Variants in MCC observed in about 807,000 individuals in gnomAD.
MCC encodes the protein MCC regulator of Wnt signaling pathway.
Under a neutral mutation model 116.2 loss-of-function variants are expected in MCC, and 90 were observed. That is an observed-to-expected ratio of 0.77 (90% CI 0.65 to 0.92). The LOEUF is 0.92. MCC is among the 40% of genes least tolerant of loss of function. The pLI is 0.00. For missense variants in MCC, 1,516 were observed against 1,312.2 expected, an observed-to-expected ratio of 1.16 and a Z score of -2.40; for synonymous variants, 578 against 510.5, an observed-to-expected ratio of 1.13 and a Z score of -1.78.
chr5:113,030,594 C>T (rs531529975), intron 17 of MCC, among the ~76,000 whole-genome samples: 4 of 152,130 alleles, frequency 2.6e-5, no homozygotes, highest in East Asian at 3.9e-4. Flanking sequence ...TTGGGAGGAT[C>T]GCTTGAGTCC....
intron 1 of MCC, among the ~76,000 whole-genome samples, chr5:113,476,385 T>C (rs906310595): frequency 6.6e-6 from 1 of 152,168 alleles, no homozygotes; most frequent in Non-Finnish European, 1.5e-5. Context: ...TTCAGAAATA[T>C]ATTCTTACAT....
rs950144491 is a variant in MCC, at chr5:113,027,592, T to A, written c.2880-110A>T. Reference sequence around the variant, plus strand: ...TAGTGAGCACTGCTCTGAAGAAAGATCACTCATCCTCTTCGGTAAGAATCT... The same window carrying A: ...TAGTGAGCACTGCTCTGAAGAAAGAACACTCATCCTCTTCGGTAAGAATCT... On this transcript the variant is annotated intron_variant, in intron 18 of 18. Coordinates refer to ENST00000408903, the MANE Select transcript of MCC (RefSeq NM_001085377.2). 3 of 956,698 alleles carry A rather than the reference T, an allele frequency of 3.1e-6. No individual in the cohort carries two copies. The East Asian group carries it at 7.2e-5, about 23-fold the overall frequency. The allele number at this position is 956,698 out of a possible 1,614,324, so 59.3% of individuals were successfully genotyped here.
intron 3 of MCC, among the ~76,000 whole-genome samples, chr5:113,263,940 A>G (rs1691048887): frequency 6.6e-6 from 1 of 152,110 alleles, no homozygotes; most frequent in Non-Finnish European, 1.5e-5. Flanking sequence ...AAAAAAAGAA[A>G]AAAAAAAACA....
intron 17 of MCC, among the ~76,000 whole-genome samples, chr5:113,039,554 C>T (rs904738307): frequency 4.6e-5 from 7 of 152,192 alleles, no homozygotes; most frequent in Admixed American, 1.3e-4. Flanking sequence ...TTCAGATAAA[C>T]GAGTGGGCTC....
chr5:113,247,391 G>A (rs1307369798), intron 3 of MCC, among the ~76,000 whole-genome samples: 6 of 152,168 alleles, frequency 3.9e-5, no homozygotes, highest in African/African-American at 1.4e-4. Context: ...ATACATTTAA[G>A]TCAACAGAAA....
chr5:113,064,227 A>T, intron 13 of MCC, 60 bp from the exon 14 acceptor site: 1 of 1,478,636 alleles, frequency 6.8e-7, no homozygotes, highest in Non-Finnish European at 9.2e-7. Flanking sequence ...CACGCCTGGG[A>T]GGGACTATGC....
chr5:113,443,724 G>A (rs758171371), intron 1 of MCC, among the ~76,000 whole-genome samples: 2 of 152,062 alleles, frequency 1.3e-5, no homozygotes, highest in East Asian at 1.9e-4. Flanking sequence ...GAATTTTATC[G>A]AAGGCCTTTT....
intron 1 of MCC, among the ~76,000 whole-genome samples, chr5:113,477,043 A>G (rs914196755): frequency 9.9e-5 from 15 of 152,244 alleles, no homozygotes; most frequent in South Asian, 2.1e-4. Flanking sequence ...GCAAATAACA[A>G]TAATTCTGAG....
intron 1 of MCC, among the ~76,000 whole-genome samples, chr5:113,411,735 G>A (rs974528310): frequency 6.6e-6 from 1 of 152,124 alleles, no homozygotes; most frequent in African/African-American, 2.4e-5. Context: ...TGTTCACTCT[G>A]ATGGTAGTTT....
At chr5:113,459,133 A>ATGTGTGTGTGTGTGTG (rs542497591) in intron 1 of MCC, among the ~76,000 whole-genome samples, 42 of 68,358 alleles carry the variant, frequency 6.1e-4, no homozygotes, top group African/African-American at 9.3e-4. Flanking sequence ...GAGTAAGGAT[A>ATGTGTGTGTGTGTGTG]TGTGTGTGTG....
At chr5:113,348,964 A>G (rs2150381353) in intron 2 of MCC, among the ~76,000 whole-genome samples, 1 of 152,216 alleles carries the variant, frequency 6.6e-6, no homozygotes, top group South Asian at 2.1e-4. Context: ...GAGGAAATGG[A>G]TAAATTCCTA....
intron 3 of MCC, chr5:113,294,341 G>C (rs371903069): frequency 1.4e-5 from 23 of 1,613,668 alleles, no homozygotes; most frequent in South Asian, 6.6e-5. Flanking sequence ...CACTCAGCTC[G>C]GCCGAGGAGT....
chr5:113,315,282 A>T (rs1057142031), intron 3 of MCC, among the ~76,000 whole-genome samples: 4 of 152,194 alleles, frequency 2.6e-5, no homozygotes, highest in Non-Finnish European at 5.9e-5. Context: ...GCTCTTCTTC[A>T]ACAGCAGTTC....
intron 3 of MCC, among the ~76,000 whole-genome samples, chr5:113,332,022 GACA>G (rs1010254046): frequency 3.3e-5 from 5 of 151,462 alleles, no homozygotes; most frequent in Admixed American, 2.6e-4. Context: ...AACTCCTGAT[GACA>G]ACAACGTCAT....
intron 3 of MCC, among the ~76,000 whole-genome samples, chr5:113,262,351 G>A (rs1164632176): frequency 1.3e-5 from 2 of 151,992 alleles, no homozygotes; most frequent in Non-Finnish European, 2.9e-5. Context: ...CCTTGGCTTG[G>A]GTTTTATGAG....
intron 5 of MCC, among the ~76,000 whole-genome samples, chr5:113,132,431 T>C (rs1487172818): frequency 1.4e-5 from 1 of 69,088 alleles, no homozygotes; most frequent in African/African-American, 5.0e-5. Context: ...CACATACATA[T>C]ATATATATAT....
At chr5:113,039,364 C>A (rs890007882) in intron 17 of MCC, among the ~76,000 whole-genome samples, 1 of 152,124 alleles carries the variant, frequency 6.6e-6, no homozygotes, top group Non-Finnish European at 1.5e-5. Flanking sequence ...AGATCCTTAC[C>A]TTTTTATCAG....
At chr5:113,236,836 TAC>T (rs2150337110) in intron 3 of MCC, among the ~76,000 whole-genome samples, 1 of 152,286 alleles carries the variant, frequency 6.6e-6, no homozygotes, top group Admixed American at 6.5e-5. Context: ...GCGGGGTGGC[TAC>T]ACTTGGTGGG....
Position 113,084,190 on chromosome 5 carries a change from T to G in MCC, c.1546A>C (p.Ile516Leu). ...SSSNDIPIAK[I>L]AERVKLSKTR... is the part of the protein sequence containing the mutation. ...TTTGATAGCTTCACCCTCTCAGCAA[T>G]CTTAAAAAAGAAAACAAAACATTAT... The change falls in exon 10 of 19, where the codon ATT becomes CTT. Residue 516 changes from isoleucine (I) to leucine (L), a missense_variant and splice_region_variant. Coordinates refer to ENST00000408903, the MANE Select transcript of MCC (RefSeq NM_001085377.2). 1 of 1,613,466 alleles carries G rather than the reference T, an allele frequency of 6.2e-7. No homozygotes were observed. The highest frequency in any genetic ancestry group is 8.5e-7 in the Non-Finnish European group (1 of 1,179,434).
Sources: gnomAD v4.1 joint callset for allele counts (sites outside exome capture counted in the v4.1 genomes callset) on GRCh38, gnomAD v4.1.1 for gene constraint, MANE v1.5 for transcripts, NCBI Gene and HGNC (gene_info 2026-07-23, HGNC 2026-07-21) for gene names.